PDE7B: variants seen among roughly 807,000 people sequenced by gnomAD.
PDE7B encodes the protein phosphodiesterase 7B.
PDE7B carries 29 observed loss-of-function variants against 56.2 expected under a neutral mutation model. The observed-to-expected ratio is 0.52, with a 90% confidence interval of 0.38 to 0.70. PDE7B has a LOEUF of 0.70. Ranked by LOEUF, PDE7B falls within the 30% of genes least tolerant of loss-of-function variation. The pLI, the probability that PDE7B is intolerant of heterozygous loss-of-function variation, is 0.00. For missense variants in PDE7B, 490 were observed against 565.0 expected (o/e 0.87, Z 1.35); for synonymous variants, 197 against 196.9 (o/e 1.00, Z 0.00).
At chr6:136,138,422 T>G (rs1205946553) in intron 3 of PDE7B, among the ~76,000 whole-genome samples, 6 of 152,158 alleles carry the variant, frequency 3.9e-5, no homozygotes, top group African/African-American at 1.4e-4. Flanking sequence ...CATCTTCAGC[T>G]TCTTATATCT....
intron 1 of PDE7B, among the ~76,000 whole-genome samples, chr6:135,942,642 C>T (rs553343372): frequency 6.6e-6 from 1 of 152,204 alleles, no homozygotes; most frequent in Admixed American, 6.5e-5. Flanking sequence ...TTCAATTTCA[C>T]CCTCTAACCT....
intron 3 of PDE7B, among the ~76,000 whole-genome samples, chr6:136,120,799 A>G (rs1158317937): frequency 6.6e-6 from 1 of 152,120 alleles, no homozygotes; most frequent in African/African-American, 2.4e-5. Context: ...CATCAAAAGC[A>G]TCACAGGGAA....
intron 1 of PDE7B, among the ~76,000 whole-genome samples, chr6:135,934,967 AT>A (rs1774382422): frequency 1.6e-5 from 1 of 62,868 alleles, no homozygotes. Flanking sequence ...TAATATATAT[AT>A]TTCTCTATAT....
At chr6:135,917,416 T>C (rs991766666) in intron 1 of PDE7B, among the ~76,000 whole-genome samples, 1 of 152,204 alleles carries the variant, frequency 6.6e-6, no homozygotes, top group African/African-American at 2.4e-5. Flanking sequence ...TAGGATATTA[T>C]ATTTTTTAAT....
chr6:136,064,487 AT>A (rs1247311987), intron 2 of PDE7B: 1 of 152,198 alleles, frequency 6.6e-6, no homozygotes, highest in African/African-American at 2.4e-5. Flanking sequence ...GTGTTCTCAA[AT>A]GTGGGGCCTT....
intron 2 of PDE7B, among the ~76,000 whole-genome samples, chr6:136,012,000 C>T (rs1364812009): frequency 6.6e-6 from 1 of 152,096 alleles, no homozygotes; most frequent in East Asian, 1.9e-4. Flanking sequence ...GATTCTAAGT[C>T]AAGAACACAT....
intron 3 of PDE7B, among the ~76,000 whole-genome samples, chr6:136,126,569 A>G (rs1778026124): frequency 1.3e-5 from 2 of 152,234 alleles, no homozygotes; most frequent in Admixed American, 1.3e-4. Flanking sequence ...CCATCAATTG[A>G]TGAATGGATA....
At chr6:136,006,212 G>T (rs1009146975) in intron 2 of PDE7B, among the ~76,000 whole-genome samples, 1 of 110,060 alleles carries the variant, frequency 9.1e-6, no homozygotes, top group South Asian at 4.1e-4. Flanking sequence ...TTGTGGGGTG[G>T]GGGGAGGGGG....
At chr6:135,858,708 A>G (rs915147533) in intron 1 of PDE7B, among the ~76,000 whole-genome samples, 3 of 151,604 alleles carry the variant, frequency 2.0e-5, no homozygotes, top group African/African-American at 7.3e-5. Flanking sequence ...GGTCTAAGAA[A>G]CTTTGGCCTG....
chr6:136,187,013 T>C (rs528203508), intron 11 of PDE7B, 23 bp from the exon 12 acceptor site: 1 of 1,274,916 alleles, frequency 7.8e-7, no homozygotes, highest in African/African-American at 1.5e-5. Context: ...AATGTGTTTT[T>C]TTCTTTCTTT....
At chr6:135,958,848 A>G (rs1774847287) in intron 2 of PDE7B, among the ~76,000 whole-genome samples, 1 of 152,136 alleles carries the variant, frequency 6.6e-6, no homozygotes, top group Non-Finnish European at 1.5e-5. Context: ...TCACTGAATA[A>G]TGCATGTTTT....
At chr6:136,175,438 T>C (rs1778962067) in intron 9 of PDE7B, among the ~76,000 whole-genome samples, 2 of 152,154 alleles carry the variant, frequency 1.3e-5, no homozygotes, top group African/African-American at 2.4e-5. Flanking sequence ...AGGAGACTTT[T>C]AGCACTTTCA....
At chr6:135,852,793 G>T (rs1397651459) in intron 1 of PDE7B, among the ~76,000 whole-genome samples, 1 of 152,032 alleles carries the variant, frequency 6.6e-6, no homozygotes, top group East Asian at 1.9e-4. Context: ...TTCAATTAGG[G>T]GCTTAAGTGA....
chr6:135,869,370 T>C (rs1363999845), intron 1 of PDE7B, among the ~76,000 whole-genome samples: 2 of 152,070 alleles, frequency 1.3e-5, no homozygotes, highest in South Asian at 2.1e-4. Context: ...TCAAATAATC[T>C]CAGAAAATCT....
intron 1 of PDE7B, among the ~76,000 whole-genome samples, chr6:135,866,966 G>A (rs978124165): frequency 3.3e-5 from 5 of 152,084 alleles, no homozygotes; most frequent in South Asian, 2.1e-4. Flanking sequence ...TGCCTCTGGC[G>A]GTTTGTCAGC....
At chr6:135,889,750 A>ATTTTTTT (rs35311247) in intron 1 of PDE7B, among the ~76,000 whole-genome samples, 1 of 74,834 alleles carries the variant, frequency 1.3e-5, no homozygotes, top group Non-Finnish European at 2.4e-5. Context: ...CGGTGCTACC[A>ATTTTTTT]TTTTTTTTTT....
intron 1 of PDE7B, among the ~76,000 whole-genome samples, chr6:135,943,030 T>C (rs1437922573): frequency 6.6e-6 from 1 of 152,226 alleles, no homozygotes; most frequent in African/African-American, 2.4e-5. Flanking sequence ...GGAAAATTCT[T>C]AATAAATTAG....
chr6:136,083,060 T>C (rs950600994), intron 2 of PDE7B, among the ~76,000 whole-genome samples: 1 of 152,168 alleles, frequency 6.6e-6, no homozygotes, highest in Non-Finnish European at 1.5e-5. Flanking sequence ...TTGAAATATT[T>C]GGAAATCCAG....
chr6:136,182,836 G>A (rs933046518), intron 11 of PDE7B, among the ~76,000 whole-genome samples: 2 of 152,160 alleles, frequency 1.3e-5, no homozygotes, highest in Non-Finnish European at 2.9e-5. Flanking sequence ...CACTTTGGGA[G>A]GCTTAGGCAG....
Sources: allele counts gnomAD v4.1 joint callset (sites outside exome capture counted in the v4.1 genomes callset), GRCh38; gene constraint gnomAD v4.1.1; transcripts MANE v1.5; gene names NCBI Gene and HGNC (gene_info 2026-07-23, HGNC 2026-07-21).